Variants in ABCA10 observed in about 807,000 individuals in gnomAD.
The protein encoded by ABCA10 is ATP binding cassette subfamily A member 10.
Under a neutral mutation model 187.5 loss-of-function variants are expected in ABCA10, and 169 were observed. That is an observed-to-expected ratio of 0.90 (90% confidence interval 0.80 to 1.02). The LOEUF (loss-of-function observed/expected upper bound fraction) is 1.02. ABCA10 is among the 50% of genes least tolerant of loss of function. The pLI, the probability that ABCA10 is intolerant of heterozygous loss-of-function variation, is 0.00. For synonymous variants in ABCA10, 574 were observed against 601.8 expected (o/e 0.95, Z 0.68); for missense variants, 1,727 against 1,812.4 (o/e 0.95, Z 0.86).
intron 35 of ABCA10, 81 bp from the exon 36 acceptor site, chr17:69,152,264 A>G (rs777228019): frequency 1.3e-6 from 2 of 1,571,514 alleles, no homozygotes; most frequent in East Asian, 2.2e-5. Flanking sequence ...GTGTTTAATT[A>G]CAGGTTAGGG....
At chr17:69,150,121 G>T in intron 36 of ABCA10, 58 bp from the exon 37 acceptor site, 1 of 1,240,994 alleles carries the variant, frequency 8.1e-7, no homozygotes, top group Non-Finnish European at 1.2e-6. Flanking sequence ...TACGGGGGAG[G>T]AATTAATAGG....
rs2074107904 is a variant in ABCA10, at chr17:69,148,923, T to C, written c.4536A>G (p.Val1512=). 6.2e-7 allele frequency: 1 copy of C among 1,613,380 alleles called. No homozygotes were observed. Among genetic ancestry groups the C allele is most frequent in the Non-Finnish European group, 8.5e-7 (1 of 1,179,496 alleles). The change falls in exon 39 of 39, where the codon GTA becomes GTG. Residue 1512 remains valine (V), a splice_region_variant and synonymous_variant. Coordinates refer to ENST00000690296, the MANE Select transcript of ABCA10 (RefSeq NM_001377321.1). The stretch of plus-strand genomic sequence containing the variant: ...CCTGCTCTTTACAGAGTTCTAAGAA[T>C]ACCTAAGTAAGAGAAAATAAAAAAG... ...YSLSQATLEQ[V]FLELCKEQEL... is the part of the protein sequence containing the mutation.
intron 22 of ABCA10, among the ~76,000 whole-genome samples, chr17:69,176,119 T>C (rs1244429343): frequency 6.6e-6 from 1 of 152,180 alleles, no homozygotes; most frequent in Non-Finnish European, 1.5e-5. Flanking sequence ...GTTTCTCTTT[T>C]ACATTTACAT....
chr17:69,182,403 T>C (rs1484494924), intron 21 of ABCA10, 113 bp from the exon 22 acceptor site: 2 of 1,033,230 alleles, frequency 1.9e-6, no homozygotes, highest in Non-Finnish European at 2.6e-6. Flanking sequence ...TATTAATTTT[T>C]CTTTGACACT....
rs2074328056 is a variant in ABCA10 at position 69,175,491 on chromosome 17, C to G, written c.2792G>C (p.Gly931Ala). Reference protein sequence around the residue: ...FSRDDIVLDLGFIDGSIFLLL... With the variant: ...FSRDDIVLDLAFIDGSIFLLL... ...CAAAAATATGGACCCATCTATAAAA[C>G]CAAGATCCAGCACTATGTCATCCTG... is the stretch of plus-strand genomic sequence containing the variant. The change falls in exon 23 of 39, where the codon GGT becomes GCT. Residue 931 changes from glycine to alanine, a missense_variant. Coordinates refer to ENST00000690296, the MANE Select transcript of ABCA10 (RefSeq NM_001377321.1). 1.2e-6 allele frequency: 2 copies of G among 1,611,022 alleles called. No homozygotes were observed. The highest frequency in any genetic ancestry group is 2.7e-5 in the African/African-American group (2 of 74,858).
intron 11 of ABCA10, among the ~76,000 whole-genome samples, chr17:69,195,131 G>A (rs138409565): frequency 1.0e-3 from 155 of 152,118 alleles, no homozygotes; most frequent in African/African-American, 3.4e-3. Context: ...TAACTCCACC[G>A]GAAAATAAGA....
intron 11 of ABCA10, 86 bp downstream of exon 11, chr17:69,196,977 TC>T (rs890665942): frequency 8.2e-6 from 8 of 976,432 alleles, no homozygotes; most frequent in Admixed American, 2.9e-5. Context: ...CAGTCCAGCC[TC>T]CGCTTGGCAT....
intron 36 of ABCA10, 93 bp from the exon 37 acceptor site, chr17:69,150,156 G>A: frequency 2.3e-6 from 2 of 860,024 alleles, no homozygotes; most frequent in East Asian, 2.6e-5. Context: ...TTTTCAATGT[G>A]TTCTTTAAAT....
At chr17:69,187,630 A>C in intron 19 of ABCA10, 51 bp downstream of exon 19, 2 of 1,500,530 alleles carry the variant, frequency 1.3e-6, no homozygotes, top group Non-Finnish European at 1.8e-6. Context: ...TTAATATTTG[A>C]ATGTTTTTTC....
intron 27 of ABCA10, among the ~76,000 whole-genome samples, chr17:69,157,768 CA>C: frequency 6.6e-6 from 1 of 150,478 alleles, no homozygotes; most frequent in South Asian, 2.1e-4. Context: ...ACTGCTGGGA[CA>C]ACTGGACATC....
intron 9 of ABCA10, among the ~76,000 whole-genome samples, chr17:69,214,493 C>A (rs896670383): frequency 7.0e-6 from 1 of 142,526 alleles, no homozygotes; most frequent in Non-Finnish European, 1.5e-5. Flanking sequence ...CCAGCCTGGG[C>A]GACAGAGCGA....
chr17:69,148,955 A>C (rs1396178459), intron 38 of ABCA10, 30 bp from the exon 39 acceptor site: 1 of 1,612,922 alleles, frequency 6.2e-7, no homozygotes, highest in South Asian at 1.1e-5. Context: ...AAAGATACAA[A>C]AATGTCAGGG....
intron 9 of ABCA10, among the ~76,000 whole-genome samples, chr17:69,203,589 T>A (rs2074565157): frequency 6.6e-6 from 1 of 152,188 alleles, no homozygotes; most frequent in South Asian, 2.1e-4. Flanking sequence ...ACATCTTAAT[T>A]TGATCCTCTC....
intron 29 of ABCA10, 126 bp from the exon 30 acceptor site, chr17:69,155,262 C>CCTG: frequency 1.5e-6 from 1 of 666,746 alleles, no homozygotes; most frequent in South Asian, 2.3e-5. Flanking sequence ...GAGCTTTAGC[C>CCTG]TCTTTTTTCA....
chr17:69,232,493 A>C (rs770428539), upstream of ABCA10, among the ~76,000 whole-genome samples: 2 of 152,180 alleles, frequency 1.3e-5, no homozygotes, highest in Non-Finnish European at 2.9e-5. Flanking sequence ...GAAAAATAAA[A>C]AAACTGTACA....
At chr17:69,157,317 A>G (rs1470227603) in intron 27 of ABCA10, among the ~76,000 whole-genome samples, 1 of 152,156 alleles carries the variant, frequency 6.6e-6, no homozygotes, top group African/African-American at 2.4e-5. Flanking sequence ...CATGTCCAGG[A>G]GCAGAAGACA....
At chr17:69,222,195 A>C (rs577315950) in intron 4 of ABCA10, among the ~76,000 whole-genome samples, 165 of 152,052 alleles carry the variant, frequency 1.1e-3, no homozygotes, top group Non-Finnish European at 1.8e-3. Flanking sequence ...TCTCTACTAA[A>C]AATACAAAAA....
At chr17:69,214,536 G>A (rs549825068) in intron 9 of ABCA10, among the ~76,000 whole-genome samples, 168 bp downstream of exon 9, 36 of 151,806 alleles carry the variant, frequency 2.4e-4, no homozygotes, top group African/African-American at 7.7e-4. Flanking sequence ...AAATGATTCA[G>A]TTCATACCTT....
At chr17:69,216,826 T>C (rs1237395039) in intron 6 of ABCA10, among the ~76,000 whole-genome samples, 2 of 152,218 alleles carry the variant, frequency 1.3e-5, no homozygotes, top group Non-Finnish European at 2.9e-5. Flanking sequence ...AACAGAAATC[T>C]TTCCAATTTA....
Sources: gnomAD v4.1 joint callset for allele counts (sites outside exome capture counted in the v4.1 genomes callset) on GRCh38, gnomAD v4.1.1 for gene constraint, MANE v1.5 for transcripts, NCBI Gene and HGNC (gene_info 2026-07-23, HGNC 2026-07-21) for gene names.